The following SNX29 variants were observed in gnomAD, a reference collection of about 807,000 sequenced individuals.
The protein encoded by SNX29 is sorting nexin-29.
In SNX29, 78 loss-of-function variants were observed where a neutral mutation model predicts 102.1. That is an observed-to-expected ratio of 0.76 (90% CI 0.64 to 0.92). The LOEUF (loss-of-function observed/expected upper bound fraction) is 0.92, where lower values mean the gene tolerates loss of function less well. Ranked by LOEUF, SNX29 falls within the 40% of genes least tolerant of loss-of-function variation. SNX29 has a pLI of 0.00. For missense variants in SNX29, 1,280 were observed against 1,061.7 expected, an observed-to-expected ratio of 1.21 and a Z score of -2.86; for synonymous variants, 580 against 414.5, an observed-to-expected ratio of 1.40 and a Z score of -4.85.
chr16:12,537,667 G>C (rs754035634), intron 20 of SNX29, among the ~76,000 whole-genome samples: 6 of 152,162 alleles, frequency 3.9e-5, no homozygotes, highest in Non-Finnish European at 2.9e-5. Flanking sequence ...CCTACTTCAT[G>C]TCTTTTTTAA....
At chr16:12,125,605 C>CTTTTTTT (rs36212472) in intron 11 of SNX29, among the ~76,000 whole-genome samples, 1 of 45,452 alleles carries the variant, frequency 2.2e-5, no homozygotes, top group Non-Finnish European at 4.1e-5. Context: ...TGAGATCTCT[C>CTTTTTTT]TTTTTTTTTT....
intron 18 of SNX29, among the ~76,000 whole-genome samples, chr16:12,406,600 A>G (rs1473421563): frequency 6.6e-6 from 1 of 152,150 alleles, no homozygotes; most frequent in African/African-American, 2.4e-5. Flanking sequence ...GGCTCTTGAG[A>G]TTTATATTAA....
chr16:12,175,260 C>G (rs1256248627), intron 13 of SNX29, among the ~76,000 whole-genome samples: 1 of 152,084 alleles, frequency 6.6e-6, no homozygotes, highest in African/African-American at 2.4e-5. Context: ...CGCCTACCCC[C>G]CGAATATATA....
At chr16:12,296,050 T>A (rs1166403895) in intron 15 of SNX29, among the ~76,000 whole-genome samples, 1 of 152,272 alleles carries the variant, frequency 6.6e-6, no homozygotes, top group Non-Finnish European at 1.5e-5. Flanking sequence ...AAAACTAGAT[T>A]TAAATGCTAA....
At chr16:12,407,553 G>T (rs527325281) in intron 18 of SNX29, among the ~76,000 whole-genome samples, 13 of 152,166 alleles carry the variant, frequency 8.5e-5, no homozygotes, top group Non-Finnish European at 7.4e-5. Flanking sequence ...CACTATAAAG[G>T]AACAGATAGA....
chr16:12,563,924 A>G (rs1490483959), intron 20 of SNX29, among the ~76,000 whole-genome samples: 1 of 152,292 alleles, frequency 6.6e-6, no homozygotes, highest in African/African-American at 2.4e-5. Context: ...AAGACCTACA[A>G]TACCTAGACG....
intron 2 of SNX29, among the ~76,000 whole-genome samples, chr16:12,002,588 G>A (rs139070523): frequency 5.3e-4 from 80 of 152,238 alleles, no homozygotes; most frequent in Middle Eastern, 3.4e-3. Context: ...TCTGGGGCTC[G>A]TCCAAAGGGA....
rs141313511 is a variant in SNX29 at position 12,314,186 on chromosome 16, C to T, written c.1782+36150C>T. Among the ~76,000 whole-genome samples the T allele has an allele frequency of 7.6e-3, 1,163 of 152,236 alleles. 17 individuals are homozygous for T. The highest frequency in any genetic ancestry group is 0.026 in the African/African-American group (1,061 of 41,548). ...TTTATTTTTTTTAACCTTTGTACAG[C>T]TGGGGTCTTTCTGTGTTGCCCAGGC... On this transcript the variant is annotated intron_variant, in intron 15 of 20. Coordinates refer to ENST00000566228, the MANE Select transcript of SNX29 (RefSeq NM_032167.5).
At chr16:12,073,104 C>A (rs2051375627) in intron 10 of SNX29, among the ~76,000 whole-genome samples, 1 of 151,754 alleles carries the variant, frequency 6.6e-6, no homozygotes, top group African/African-American at 2.4e-5. Flanking sequence ...TTTTGTTGAT[C>A]CTTTCAAAAA....
intron 18 of SNX29, among the ~76,000 whole-genome samples, chr16:12,472,518 C>CA (rs1380014947): frequency 0.023 from 530 of 23,258 alleles, 3 homozygotes; most frequent in Non-Finnish European, 0.033. Flanking sequence ...GTCTAAATCT[C>CA]AAAAAAAAAC....
intron 15 of SNX29, among the ~76,000 whole-genome samples, chr16:12,311,085 A>G (rs2080525482): frequency 6.6e-6 from 1 of 152,228 alleles, no homozygotes; most frequent in African/African-American, 2.4e-5. Flanking sequence ...AGAAAGTTAT[A>G]AGTGAGGGCT....
chr16:12,089,616 T>G (rs2052402523), intron 11 of SNX29, among the ~76,000 whole-genome samples: 1 of 152,078 alleles, frequency 6.6e-6, no homozygotes, highest in African/African-American at 2.4e-5. Context: ...TGGCCTGTTT[T>G]GGTGGCGGGT....
At chr16:12,110,492 C>T (rs2053459814) in intron 11 of SNX29, among the ~76,000 whole-genome samples, 1 of 152,100 alleles carries the variant, frequency 6.6e-6, no homozygotes, top group South Asian at 2.1e-4. Flanking sequence ...TTTAGGGCCA[C>T]CTTTTGGCCT....
At chr16:12,534,039 T>C (rs920523541) in intron 20 of SNX29, among the ~76,000 whole-genome samples, 3 of 152,254 alleles carry the variant, frequency 2.0e-5, no homozygotes, top group Non-Finnish European at 4.4e-5. Context: ...TGCATAAGTC[T>C]GTTTAACATG....
chr16:12,567,893 C>G lies in SNX29; in HGVS notation c.2319-613C>G, dbSNP rs2079078438. Among the ~76,000 whole-genome samples, 5 of 152,212 alleles carry G rather than the reference C, an allele frequency of 3.3e-5. No homozygotes were observed. The South Asian group carries it at 1.0e-3, about 31-fold the overall frequency. ...TGTGCCGAGGGCCTCCCACACAACC[C>G]AGACCCATGCCCTGGGACCCACACA... On this transcript the variant is annotated intron_variant, in intron 20 of 20. Transcript: ENST00000566228.
At chr16:12,025,474 A>T (rs1446518782) in intron 3 of SNX29, among the ~76,000 whole-genome samples, 1 of 152,126 alleles carries the variant, frequency 6.6e-6, no homozygotes, top group African/African-American at 2.4e-5. Flanking sequence ...CTGGAAAAAG[A>T]TTTGTGGAAC....
intron 18 of SNX29, among the ~76,000 whole-genome samples, chr16:12,454,579 C>T (rs1012687686): frequency 1.3e-4 from 20 of 152,002 alleles, no homozygotes; most frequent in African/African-American, 4.6e-4. Flanking sequence ...AGTTGAAGAG[C>T]GAACATCGAA....
At chr16:12,060,942 T>C (rs141965644) in intron 8 of SNX29, 2 of 446,660 alleles carry the variant, frequency 4.5e-6, no homozygotes. Context: ...TCTGTCCTTT[T>C]ACCCACGAGG....
intron 20 of SNX29, among the ~76,000 whole-genome samples, chr16:12,534,673 G>A (rs1249582881): frequency 4.6e-5 from 7 of 152,254 alleles, no homozygotes; most frequent in Middle Eastern, 3.4e-3. Context: ...ACGGGCTGTC[G>A]GAGGATCTTT....
Sources: allele counts gnomAD v4.1 joint callset (sites outside exome capture counted in the v4.1 genomes callset), GRCh38; gene constraint gnomAD v4.1.1; transcripts MANE v1.5; gene names NCBI Gene and HGNC (gene_info 2026-07-23, HGNC 2026-07-21).